Variants in ZC3H12B observed in about 807,000 individuals in gnomAD.
ZC3H12B encodes probable ribonuclease ZC3H12B.
A neutral mutation model predicts 43.9 loss-of-function variants in ZC3H12B; 7 were observed. The ratio of observed to expected loss-of-function variants is 0.16; its 90% CI spans 0.09 to 0.30. ZC3H12B has a LOEUF of 0.30. Ranked by LOEUF, ZC3H12B falls within the 10% of genes least tolerant of loss-of-function variation. The pLI, the probability that ZC3H12B is intolerant of heterozygous loss-of-function variation, is 1.00. For missense variants in ZC3H12B, 475 were observed against 670.2 expected, an observed-to-expected ratio of 0.71 and a Z score of 3.22; for synonymous variants, 222 against 241.7, an observed-to-expected ratio of 0.92 and a Z score of 0.76.
chrX:65,126,635 T>C, the ZC3H12B span, among the ~76,000 whole-genome samples: 10 of 110,389 alleles, frequency 9.1e-5, 1 homozygote, highest in Middle Eastern at 9.3e-3. Context: ...TATTTTTAGG[T>C]TTGAACGTTT....
intron 3 of ZC3H12B, among the ~76,000 whole-genome samples, chrX:65,463,746 A>G (rs2067782581): frequency 9.0e-6 from 1 of 110,766 alleles, no homozygotes; most frequent in Non-Finnish European, 1.9e-5. Flanking sequence ...CCAGGCATTC[A>G]AAATATGCTG....
the ZC3H12B span, among the ~76,000 whole-genome samples, chrX:65,107,144 G>A: frequency 1.8e-5 from 2 of 111,260 alleles, no homozygotes; most frequent in Non-Finnish European, 3.8e-5. Context: ...GTTAGGAGGT[G>A]GTCAGATTAG....
At chrX:65,362,733 T>C (rs548505027), upstream of ZC3H12B, among the ~76,000 whole-genome samples, 25 of 111,379 alleles carry the variant, frequency 2.2e-4, no homozygotes, top group African/African-American at 8.2e-4. Context: ...AAGCCTGTTA[T>C]CACTCGCCTG....
At chrX:65,370,647 G>A (rs1266663373) in intron 2 of ZC3H12B, among the ~76,000 whole-genome samples, 1 of 111,816 alleles carries the variant, frequency 8.9e-6, no homozygotes, top group Non-Finnish European at 1.9e-5. Context: ...TTTTCTGGTT[G>A]TCCTACCTGT....
At chrX:65,060,625 C>T in the ZC3H12B span, among the ~76,000 whole-genome samples, 1 of 111,678 alleles carries the variant, frequency 9.0e-6, no homozygotes, top group Admixed American at 9.5e-5. Context: ...AGGATTTTTG[C>T]ATCAATATTC....
rs1158255709 is a variant in ZC3H12B, at chrX:65,424,525, T to C, written n.407+25821T>C. On this transcript the variant is annotated intron_variant and non_coding_transcript_variant, in intron 3 of 5. Transcript: ENST00000617377. Reference sequence around the variant, plus strand: ...GTTGCAATTGCTTTTGGTGTCTTTGTCATGAAATATTTTCCTGTGTCTATA... The same window carrying C: ...GTTGCAATTGCTTTTGGTGTCTTTGCCATGAAATATTTTCCTGTGTCTATA... 3.6e-5 allele frequency among the ~76,000 whole-genome samples: 4 copies of C among 112,474 alleles called. No individual in the cohort carries two copies. In the East Asian group the frequency reaches 1.1e-3, roughly 31 times the overall value.
chrX:65,149,436 T>C, the ZC3H12B span, among the ~76,000 whole-genome samples: 2 of 111,880 alleles, frequency 1.8e-5, no homozygotes, highest in Admixed American at 9.6e-5. Flanking sequence ...CAGATAGTTA[T>C]TTAACATTCC....
chrX:65,212,299 A>G, the ZC3H12B span, among the ~76,000 whole-genome samples: 3 of 50,522 alleles, frequency 5.9e-5, no homozygotes, highest in Non-Finnish European at 9.6e-5. Flanking sequence ...TATATTATAT[A>G]ATATATAATA....
chrX:65,409,916 C>T (rs911611661), intron 3 of ZC3H12B, among the ~76,000 whole-genome samples: 4 of 109,669 alleles, frequency 3.6e-5, no homozygotes, highest in Non-Finnish European at 7.6e-5. Flanking sequence ...CAATGTAATC[C>T]CTATCAAAAT....
the ZC3H12B span, among the ~76,000 whole-genome samples, chrX:65,261,799 TAA>T: frequency 9.0e-6 from 1 of 111,154 alleles, no homozygotes. Context: ...CCAGATATTA[TAA>T]TGCAGGTAGT....
intron 2 of ZC3H12B, among the ~76,000 whole-genome samples, chrX:65,377,305 G>A (rs1346915375): frequency 9.1e-6 from 1 of 109,682 alleles, no homozygotes; most frequent in Non-Finnish European, 1.9e-5. Context: ...AAGAGTTATT[G>A]GCCTTAAAGA....
At chrX:65,259,720 G>T in the ZC3H12B span, among the ~76,000 whole-genome samples, 2 of 111,917 alleles carry the variant, frequency 1.8e-5, no homozygotes, top group South Asian at 7.3e-4. Flanking sequence ...CCCACTAGCA[G>T]GTATCTACCC....
At chrX:65,187,567 T>C in the ZC3H12B span, among the ~76,000 whole-genome samples, 1 of 111,065 alleles carries the variant, frequency 9.0e-6, no homozygotes, top group Non-Finnish European at 1.9e-5. Flanking sequence ...TTTAGTCAAG[T>C]CTATGGTAGA....
intron 3 of ZC3H12B, among the ~76,000 whole-genome samples, chrX:65,470,617 G>C (rs1203187239): frequency 9.0e-6 from 1 of 110,515 alleles, no homozygotes. Flanking sequence ...GATTTTATTC[G>C]AAGAAATACA....
chrX:65,188,940 T>G, the ZC3H12B span, among the ~76,000 whole-genome samples: 1 of 51,741 alleles, frequency 1.9e-5, no homozygotes, highest in Non-Finnish European at 3.4e-5. Flanking sequence ...ATGCTATCCC[T>G]CCCCCCTCCC....
At chrX:65,178,311 T>C in the ZC3H12B span, among the ~76,000 whole-genome samples, 1 of 112,096 alleles carries the variant, frequency 8.9e-6, no homozygotes, top group African/African-American at 3.2e-5. Context: ...ATAAATACCC[T>C]AGGGGAAAAC....
intron 3 of ZC3H12B, among the ~76,000 whole-genome samples, chrX:65,424,387 T>A (rs1048774807): frequency 8.9e-6 from 1 of 112,055 alleles, no homozygotes; most frequent in Non-Finnish European, 1.9e-5. Flanking sequence ...GGTGAATAGG[T>A]TGCAAAATTT....
the ZC3H12B span, among the ~76,000 whole-genome samples, chrX:65,139,069 A>C: frequency 2.7e-5 from 3 of 112,194 alleles, no homozygotes; most frequent in Admixed American, 1.9e-4. Flanking sequence ...TTGTTTACTC[A>C]GCTGTGCAGA....
chrX:65,269,062 C>A, the ZC3H12B span, among the ~76,000 whole-genome samples: 5 of 111,712 alleles, frequency 4.5e-5, no homozygotes, highest in African/African-American at 1.3e-4. Flanking sequence ...TCAATATTAT[C>A]TCAGCCAGGC....
Sources: gnomAD v4.1 joint callset for allele counts (sites outside exome capture counted in the v4.1 genomes callset) on GRCh38, gnomAD v4.1.1 for gene constraint, MANE v1.5 for transcripts, NCBI Gene and HGNC (gene_info 2026-07-23, HGNC 2026-07-21) for gene names.